The following AFG2A variants were observed in gnomAD, a reference collection of about 807,000 sequenced individuals.
AFG2A encodes ATPase family gene 2 protein homolog A.
At chr4:122,932,530 C>T in the AFG2A span, among the ~76,000 whole-genome samples, 1 of 152,124 alleles carries the variant, frequency 6.6e-6, no homozygotes, top group South Asian at 2.1e-4. Context: ...AAACTGTCCC[C>T]CCTCCACTGG....
At chr4:123,287,836 C>T in the AFG2A span, among the ~76,000 whole-genome samples, 1 of 152,076 alleles carries the variant, frequency 6.6e-6, no homozygotes, top group South Asian at 2.1e-4. Flanking sequence ...AATAGGGTGG[C>T]CATGGAAAAC....
the AFG2A span, among the ~76,000 whole-genome samples, chr4:122,966,235 T>C: frequency 6.6e-6 from 1 of 152,196 alleles, no homozygotes; most frequent in Non-Finnish European, 1.5e-5. Context: ...TCTGAAGGCC[T>C]GTGGCAGGGG....
the AFG2A span, among the ~76,000 whole-genome samples, chr4:123,056,876 C>T: frequency 6.6e-6 from 1 of 152,046 alleles, no homozygotes; most frequent in Non-Finnish European, 1.5e-5. Flanking sequence ...GAAATCGAGG[C>T]TTACAGAAGT....
At chr4:122,926,563 A>G in the AFG2A span, among the ~76,000 whole-genome samples, 2 of 152,218 alleles carry the variant, frequency 1.3e-5, no homozygotes, top group South Asian at 2.1e-4. Context: ...GTAGTGACAG[A>G]ATAATGTAAA....
At chr4:123,111,254 A>G in the AFG2A span, among the ~76,000 whole-genome samples, 1 of 152,228 alleles carries the variant, frequency 6.6e-6, no homozygotes, top group Non-Finnish European at 1.5e-5. Flanking sequence ...TGGTTTGAGC[A>G]TATGAGACCT....
At chr4:122,969,897 G>A in the AFG2A span, among the ~76,000 whole-genome samples, 2 of 152,072 alleles carry the variant, frequency 1.3e-5, no homozygotes, top group African/African-American at 2.4e-5. Context: ...GTATAGTCAC[G>A]GACTGCATAA....
At chr4:123,144,955 A>G in the AFG2A span, among the ~76,000 whole-genome samples, 2 of 151,808 alleles carry the variant, frequency 1.3e-5, no homozygotes, top group African/African-American at 4.8e-5. Flanking sequence ...TAAGACAATA[A>G]TTTTTTTTCT....
chr4:123,300,364 A>G, the AFG2A span, among the ~76,000 whole-genome samples: 3 of 152,270 alleles, frequency 2.0e-5, no homozygotes, highest in African/African-American at 7.2e-5. Flanking sequence ...GTTACCTCAC[A>G]TATATAATTT....
chr4:122,953,045 C>T, the AFG2A span, among the ~76,000 whole-genome samples: 1 of 152,136 alleles, frequency 6.6e-6, no homozygotes, highest in South Asian at 2.1e-4. Flanking sequence ...TGTAATGCCT[C>T]CTTGGGCTAA....
At chr4:123,110,342 G>A in the AFG2A span, among the ~76,000 whole-genome samples, 4 of 152,132 alleles carry the variant, frequency 2.6e-5, no homozygotes, top group South Asian at 2.1e-4. Flanking sequence ...GTTTCCATGA[G>A]TTGATATTTC....
At chr4:123,213,979 A>T in the AFG2A span, among the ~76,000 whole-genome samples, 1 of 152,298 alleles carries the variant, frequency 6.6e-6, no homozygotes, top group South Asian at 2.1e-4. Context: ...AACTCAGTTT[A>T]GTCCTATTTA....
the AFG2A span, among the ~76,000 whole-genome samples, chr4:123,154,572 TA>T: frequency 1.3e-5 from 2 of 152,070 alleles, no homozygotes; most frequent in African/African-American, 4.8e-5. Flanking sequence ...GATTAAAAAC[TA>T]AAAAAATAGA....
At chr4:123,012,848 G>A in the AFG2A span, among the ~76,000 whole-genome samples, 3 of 152,082 alleles carry the variant, frequency 2.0e-5, no homozygotes, top group Non-Finnish European at 4.4e-5. Flanking sequence ...TTAGTCTGAG[G>A]ACCAGAGGTC....
the AFG2A span, among the ~76,000 whole-genome samples, chr4:122,983,259 A>G: frequency 2.0e-5 from 3 of 152,178 alleles, no homozygotes; most frequent in African/African-American, 7.2e-5. Context: ...TGATCTTTTT[A>G]TATTCTTACA....
At chr4:123,135,739 A>G in the AFG2A span, among the ~76,000 whole-genome samples, 1 of 152,222 alleles carries the variant, frequency 6.6e-6, no homozygotes, top group Admixed American at 6.5e-5. Context: ...ATATGCAAAT[A>G]CTATGCCATT....
chr4:123,176,743 TAAAAC>T, the AFG2A span, among the ~76,000 whole-genome samples: 3 of 152,072 alleles, frequency 2.0e-5, no homozygotes, highest in African/African-American at 7.2e-5. Flanking sequence ...GCTAAAGTCT[TAAAAC>T]AAGTCTACAC....
chr4:123,114,762 G>A, the AFG2A span, among the ~76,000 whole-genome samples: 2 of 152,240 alleles, frequency 1.3e-5, no homozygotes, highest in African/African-American at 2.4e-5. Context: ...TGCAGAGTGT[G>A]CAGCATTGAC....
the AFG2A span, among the ~76,000 whole-genome samples, chr4:123,157,807 CT>C: frequency 8.5e-5 from 13 of 152,114 alleles, no homozygotes; most frequent in African/African-American, 2.7e-4. Flanking sequence ...TACCTCCCCC[CT>C]CTATAAAAGA....
At chr4:123,107,859 G>A in the AFG2A span, among the ~76,000 whole-genome samples, 1 of 152,240 alleles carries the variant, frequency 6.6e-6, no homozygotes, top group Non-Finnish European at 1.5e-5. Flanking sequence ...AGTTGTGACA[G>A]CACCCAGGCT....
Sources: allele counts gnomAD v4.1 joint callset (sites outside exome capture counted in the v4.1 genomes callset), GRCh38; gene constraint gnomAD v4.1.1; transcripts MANE v1.5; gene names NCBI Gene and HGNC (gene_info 2026-07-23, HGNC 2026-07-21).